SLCO1B1: variants seen among roughly 807,000 people sequenced by gnomAD.
The protein encoded by SLCO1B1 is solute carrier organic anion transporter family member 1B1, also known as OATP-2.
Under a neutral mutation model 70.1 loss-of-function variants are expected in SLCO1B1, and 81 were observed. The observed-to-expected ratio is 1.16, with a 90% confidence interval of 0.97 to 1.39. SLCO1B1 has a LOEUF of 1.39. SLCO1B1 is among the 40% of genes most tolerant of loss of function. SLCO1B1 has a pLI of 0.00. For synonymous variants in SLCO1B1, 283 were observed against 271.5 expected, an observed-to-expected ratio of 1.04 and a Z score of -0.42; for missense variants, 895 against 799.6, an observed-to-expected ratio of 1.12 and a Z score of -1.44.
In SLCO1B1 at chr12:21,222,291, T is replaced by G. The variant is rs1336981714; in HGVS notation, c.1683-9T>G. 1.4e-6 allele frequency: 2 copies of G among 1,409,894 alleles called. No homozygotes were observed. Among genetic ancestry groups the G allele is most frequent in the Non-Finnish European group, 1.9e-6 (2 of 1,046,630 alleles). 87.3% of individuals were successfully genotyped at this position (1,409,894 alleles called of 1,614,324 possible). A position where few individuals can be genotyped will look rare whatever the true frequency, so the allele number is the denominator to read the frequency against. ...TATTTAATGTTTCTTTGCCTTTGTC[T>G]TGTTTCAGAATTGTTCAACCTGAAT... On this transcript the variant is annotated splice_polypyrimidine_tract_variant and intron_variant, in intron 12 of 14. Transcript: ENST00000256958.
intron 2 of SLCO1B1, among the ~76,000 whole-genome samples, chr12:21,172,429 A>G (rs1000578876): frequency 6.6e-6 from 1 of 152,232 alleles, no homozygotes; most frequent in African/African-American, 2.4e-5. Flanking sequence ...TAATATTTTG[A>G]TATTATAACC....
intron 10 of SLCO1B1, among the ~76,000 whole-genome samples, 198 bp from the exon 11 acceptor site, chr12:21,205,670 G>T (rs962182469): frequency 3.3e-5 from 5 of 151,058 alleles, no homozygotes; most frequent in Non-Finnish European, 7.4e-5. Flanking sequence ...AAGATGGAGA[G>T]CGTAAAATAA....
intron 9 of SLCO1B1, 142 bp downstream of exon 9, chr12:21,200,814 T>C: frequency 1.5e-6 from 1 of 671,964 alleles, no homozygotes. Context: ...TTCTCAAATG[T>C]TATTAAACAT....
intron 7 of SLCO1B1, among the ~76,000 whole-genome samples, chr12:21,184,422 C>A (rs1940941314): frequency 6.6e-6 from 1 of 151,414 alleles, no homozygotes; most frequent in Admixed American, 6.6e-5. Context: ...CACCTTTGAG[C>A]AAAAACCATA....
intron 14 of SLCO1B1, among the ~76,000 whole-genome samples, chr12:21,226,559 G>A (rs1317237328): frequency 1.3e-5 from 2 of 152,142 alleles, no homozygotes; most frequent in Admixed American, 1.3e-4. Flanking sequence ...GAGAAGATAA[G>A]GATGAGTAGG....
chr12:21,152,282 T>C (rs1273103005), intron 2 of SLCO1B1, among the ~76,000 whole-genome samples: 1 of 152,016 alleles, frequency 6.6e-6, no homozygotes, highest in Admixed American at 6.6e-5. Flanking sequence ...TGTGCTTCTT[T>C]ATTTTACCAC....
intron 1 of SLCO1B1, among the ~76,000 whole-genome samples, chr12:21,132,077 A>C (rs1347892739): frequency 6.6e-6 from 1 of 152,078 alleles, no homozygotes; most frequent in Non-Finnish European, 1.5e-5. Context: ...ATGAGTGAGA[A>C]CATGCGGTGT....
chr12:21,150,168 C>A (rs1255182694), intron 2 of SLCO1B1, among the ~76,000 whole-genome samples: 1 of 152,156 alleles, frequency 6.6e-6, no homozygotes, highest in Non-Finnish European at 1.5e-5. Context: ...GGCAGGGCAT[C>A]TCTTAAAGAA....
At chr12:21,231,953 G>A (rs569428685) in intron 14 of SLCO1B1, among the ~76,000 whole-genome samples, 4 of 152,188 alleles carry the variant, frequency 2.6e-5, no homozygotes, top group South Asian at 4.1e-4. Flanking sequence ...TCTCCTAGGT[G>A]AAATAAATAA....
At chr12:21,171,718 C>T (rs1940757728) in intron 2 of SLCO1B1, among the ~76,000 whole-genome samples, 1 of 152,136 alleles carries the variant, frequency 6.6e-6, no homozygotes, top group Non-Finnish European at 1.5e-5. Context: ...ATTTGTCTCT[C>T]ACATTTCCGG....
At chr12:21,186,219 G>A (rs983567607) in intron 7 of SLCO1B1, among the ~76,000 whole-genome samples, 1 of 152,076 alleles carries the variant, frequency 6.6e-6, no homozygotes, top group Non-Finnish European at 1.5e-5. Flanking sequence ...ACAGTCAAGA[G>A]AAGTGAAAAC....
intron 2 of SLCO1B1, chr12:21,164,822 GA>G: frequency 2.0e-6 from 1 of 491,362 alleles, no homozygotes; most frequent in Non-Finnish European, 4.1e-6. Flanking sequence ...TGTAAGGTCA[GA>G]ATAGTCCCTT....
chr12:21,207,801 G>A (rs2417967), intron 11 of SLCO1B1, among the ~76,000 whole-genome samples: 13,679 of 151,564 alleles, frequency 0.09, 1,024 homozygotes, highest in East Asian at 0.27. Flanking sequence ...CCTTGCCAGC[G>A]TCTGTTTTTT....
intron 13 of SLCO1B1, 64 bp from the exon 14 acceptor site, chr12:21,224,658 A>G: frequency 1.1e-6 from 1 of 949,436 alleles, no homozygotes; most frequent in South Asian, 1.3e-5. Flanking sequence ...ATCAATGTGG[A>G]ATATCATGCA....
chr12:21,222,152 C>T (rs1032825589), intron 12 of SLCO1B1, 148 bp from the exon 13 acceptor site: 1 of 261,978 alleles, frequency 3.8e-6, no homozygotes, highest in African/African-American at 2.3e-5. Flanking sequence ...CCTTTTAAAA[C>T]AATTAAAATA....
chr12:21,178,658 A>G lies in SLCO1B1; in HGVS notation c.564A>G (p.Ile188Met), dbSNP rs1940852329. The change falls in exon 6 of 15, where the codon ATA becomes ATG. Residue 188 changes from isoleucine to methionine, a missense_variant. Coordinates refer to ENST00000256958, the MANE Select transcript of SLCO1B1 (RefSeq NM_006446.5). ...TTCGTGGAATAGGGGAGACTCCCAT[A>G]GTACCATTGGGGCTTTCTTACATTG... is the stretch of plus-strand genomic sequence containing the variant. Reference protein sequence around the residue: ...NMLRGIGETPIVPLGLSYIDD... With the variant: ...NMLRGIGETPMVPLGLSYIDD... The G allele has an allele frequency of 6.2e-6, 10 of 1,605,016 alleles. No homozygotes were observed. Among genetic ancestry groups the G allele is most frequent in the Non-Finnish European group, 8.5e-6 (10 of 1,171,752 alleles).
intron 4 of SLCO1B1, among the ~76,000 whole-genome samples, chr12:21,176,057 C>T (rs1168532618): frequency 1.3e-5 from 2 of 152,014 alleles, no homozygotes; most frequent in Admixed American, 6.6e-5. Flanking sequence ...GATCTATTCC[C>T]GCAACCTCCA....
intron 7 of SLCO1B1, among the ~76,000 whole-genome samples, chr12:21,182,743 C>T (rs958059996): frequency 1.3e-5 from 2 of 152,154 alleles, no homozygotes; most frequent in Admixed American, 1.3e-4. Context: ...CCCAAAACCC[C>T]AGGGCTGCAG....
chr12:21,184,050 G>GAA (rs71043253), intron 7 of SLCO1B1, among the ~76,000 whole-genome samples: 8 of 149,426 alleles, frequency 5.4e-5, no homozygotes, highest in Non-Finnish European at 8.9e-5. Context: ...AAGAAAGAAA[G>GAA]AAAAAAAAAC....
Sources: gnomAD v4.1 joint callset for allele counts (sites outside exome capture counted in the v4.1 genomes callset) on GRCh38, gnomAD v4.1.1 for gene constraint, MANE v1.5 for transcripts, NCBI Gene and HGNC (gene_info 2026-07-23, HGNC 2026-07-21) for gene names.